RBMS3: variants seen among roughly 807,000 people sequenced by gnomAD.
The protein encoded by RBMS3 is RNA binding motif single stranded interacting protein 3.
In RBMS3, 27 loss-of-function variants were observed where a neutral mutation model predicts 66.8. The observed-to-expected ratio is 0.40, with a 90% CI of 0.30 to 0.56. RBMS3 has a LOEUF of 0.56. RBMS3 is among the 20% of genes least tolerant of loss of function. RBMS3 has a pLI of 0.40. For synonymous variants in RBMS3, 188 were observed against 183.0 expected (o/e 1.03, Z -0.22); for missense variants, 513 against 549.5 (o/e 0.93, Z 0.66).
intron 6 of RBMS3, among the ~76,000 whole-genome samples, chr3:29,773,758 G>A (rs140867303): frequency 5.9e-5 from 9 of 152,144 alleles, no homozygotes; most frequent in African/African-American, 2.2e-4. Context: ...ATCCCCATTC[G>A]GGGCCATCCA....
chr3:29,608,255 C>A (rs1379813035), intron 4 of RBMS3, among the ~76,000 whole-genome samples: 1 of 151,818 alleles, frequency 6.6e-6, no homozygotes, highest in Non-Finnish European at 1.5e-5. Flanking sequence ...TTTTTTAAAG[C>A]AGCATTAACT....
chr3:29,669,826 G>A (rs2050920755), intron 4 of RBMS3, among the ~76,000 whole-genome samples: 1 of 152,100 alleles, frequency 6.6e-6, no homozygotes, highest in African/African-American at 2.4e-5. Flanking sequence ...GTTTCTTACT[G>A]GGGCGACTGC....
chr3:29,642,255 T>G (rs958896510), intron 4 of RBMS3, among the ~76,000 whole-genome samples: 1 of 152,078 alleles, frequency 6.6e-6, no homozygotes, highest in Non-Finnish European at 1.5e-5. Flanking sequence ...ATCTGATGCT[T>G]TGCTCTGTCT....
intron 1 of RBMS3, among the ~76,000 whole-genome samples, chr3:29,349,884 G>A (rs541949139): frequency 1.3e-5 from 2 of 152,244 alleles, no homozygotes; most frequent in African/African-American, 4.8e-5. Context: ...TTCAGGCCGG[G>A]TGAGGTGACT....
chr3:29,656,676 G>A (rs571012579), intron 4 of RBMS3, among the ~76,000 whole-genome samples: 1 of 152,212 alleles, frequency 6.6e-6, no homozygotes, highest in South Asian at 2.1e-4. Flanking sequence ...GTCTACCTAA[G>A]GTTCTGTGTA....
At chr3:29,581,117 C>A (rs938938395) in intron 3 of RBMS3, among the ~76,000 whole-genome samples, 2 of 152,054 alleles carry the variant, frequency 1.3e-5, no homozygotes, top group Non-Finnish European at 2.9e-5. Context: ...TTTATTTTTT[C>A]ACAAATCTAA....
At chr3:29,404,429 C>T (rs747915209) in intron 1 of RBMS3, among the ~76,000 whole-genome samples, 1 of 152,100 alleles carries the variant, frequency 6.6e-6, no homozygotes, top group African/African-American at 2.4e-5. Context: ...GGTTAAGAGA[C>T]ATATGTTATA....
intron 12 of RBMS3, among the ~76,000 whole-genome samples, chr3:29,976,920 C>T (rs889148637): frequency 6.6e-6 from 1 of 152,092 alleles, no homozygotes; most frequent in African/African-American, 2.4e-5. Flanking sequence ...CAAATCGTAA[C>T]TCAGTTTACT....
rs1441150525 is a variant in RBMS3, at chr3:29,443,424, TA to T, written c.248+8515del. 1.5e-4 allele frequency among the ~76,000 whole-genome samples: 23 copies of T among 152,118 alleles called. No individual in the cohort carries two copies. In the South Asian group the frequency reaches 1.9e-3, roughly 12 times the overall value. On this transcript the variant is annotated intron_variant, in intron 2 of 14. Coordinates refer to ENST00000383767, the MANE Select transcript of RBMS3 (RefSeq NM_001003793.3). ...TAAAAATGATATATGAATAAATAAT[TA>T]AAAAACATTAGAATATGTAAATGTC...
intron 4 of RBMS3, among the ~76,000 whole-genome samples, chr3:29,729,882 G>C (rs1168118330): frequency 6.6e-6 from 1 of 151,914 alleles, no homozygotes; most frequent in Non-Finnish European, 1.5e-5. Flanking sequence ...AGAACAATAA[G>C]AATTATAACC....
rs1176690923 is a variant in RBMS3 at position 30,004,670 on chromosome 3, G to C, written c.*808G>C. On this transcript the variant is annotated 3_prime_UTR_variant, in exon 15 of 15. Transcript: ENST00000383767. ...AGTGTTGACATGAATCATTCTAAAA[G>C]GCTAAAACATTTTACAGTAAAGTTA... is the stretch of plus-strand genomic sequence containing the variant. 6.6e-6 allele frequency: 1 copy of C among 152,052 alleles called. No homozygotes were observed. The highest frequency in any genetic ancestry group is 1.5e-5 in the Non-Finnish European group (1 of 67,766). The allele number at this position is 152,052 out of a possible 1,614,324, so 9.4% of individuals were successfully genotyped here. A position where few individuals can be genotyped will look rare whatever the true frequency, so the allele number is the denominator to read the frequency against.
rs181912345 is a variant in RBMS3, at chr3:29,312,555, A to G, written c.75+30799A>G. The stretch of plus-strand genomic sequence containing the variant: ...CACTAATTAATTCTCATTCTTTCTG[A>G]ACTCTTGCACTCTCTCTTCTTTTTG... On this transcript the variant is annotated intron_variant, in intron 1 of 14. Coordinates refer to ENST00000383767, the MANE Select transcript of RBMS3 (RefSeq NM_001003793.3). Among the ~76,000 whole-genome samples, 7 of 151,724 alleles carry G rather than the reference A, an allele frequency of 4.6e-5. No homozygotes were observed. The East Asian group carries it at 1.4e-3, about 30-fold the overall frequency.
At chr3:29,928,211 T>TATATATAC (rs1291440563) in intron 10 of RBMS3, among the ~76,000 whole-genome samples, 1,465 of 93,390 alleles carry the variant, frequency 0.016, 18 homozygotes, top group Admixed American at 0.048. Context: ...TATATATATA[T>TATATATAC]ACACACACAC....
intron 4 of RBMS3, among the ~76,000 whole-genome samples, chr3:29,595,408 AAAAAAAAG>A (rs1197786893): frequency 1.3e-5 from 2 of 151,448 alleles, no homozygotes; most frequent in African/African-American, 2.4e-5. Context: ...AAAAAAAAAA[AAAAAAAAG>A]AAAAGAAAGA....
At chr3:29,689,237 A>T (rs1436865701) in intron 4 of RBMS3, among the ~76,000 whole-genome samples, 1 of 152,060 alleles carries the variant, frequency 6.6e-6, no homozygotes, top group African/African-American at 2.4e-5. Context: ...TGCTTCTTGG[A>T]TATTATCCTT....
intron 4 of RBMS3, among the ~76,000 whole-genome samples, chr3:29,621,833 A>G (rs1000424185): frequency 4.6e-5 from 7 of 152,180 alleles, no homozygotes; most frequent in Admixed American, 2.6e-4. Context: ...AAGATATCAT[A>G]TACCTGTAGA....
chr3:29,341,692 C>T (rs2036291875), intron 1 of RBMS3, among the ~76,000 whole-genome samples: 1 of 152,158 alleles, frequency 6.6e-6, no homozygotes. Flanking sequence ...GGCTTCTCTT[C>T]CTCTTACTGC....
chr3:29,467,369 G>A (rs1407213994), intron 2 of RBMS3, among the ~76,000 whole-genome samples: 1 of 152,088 alleles, frequency 6.6e-6, no homozygotes, highest in Non-Finnish European at 1.5e-5. Context: ...ATTTCTCCTT[G>A]TACCTAAGTT....
At chr3:29,559,147 A>G (rs2046455320) in intron 3 of RBMS3, among the ~76,000 whole-genome samples, 1 of 152,126 alleles carries the variant, frequency 6.6e-6, no homozygotes, top group African/African-American at 2.4e-5. Flanking sequence ...GATTATCTCT[A>G]GACTATATCC....
Sources: gnomAD v4.1 joint callset for allele counts (sites outside exome capture counted in the v4.1 genomes callset) on GRCh38, gnomAD v4.1.1 for gene constraint, MANE v1.5 for transcripts, NCBI Gene and HGNC (gene_info 2026-07-23, HGNC 2026-07-21) for gene names.